The following POU2AF2 variants were observed in gnomAD, a reference collection of about 807,000 sequenced individuals.
The protein encoded by POU2AF2 is POU class 2 homeobox associating factor 2.
chr11:111,267,320 C>T, the POU2AF2 span, among the ~76,000 whole-genome samples: 4 of 152,166 alleles, frequency 2.6e-5, no homozygotes, highest in Non-Finnish European at 5.9e-5. Flanking sequence ...CCCCTGGCCT[C>T]GTAGGGCTCT....
chr11:111,282,207 G>A, the POU2AF2 span, among the ~76,000 whole-genome samples: 429 of 152,168 alleles, frequency 2.8e-3, 1 homozygote, highest in Non-Finnish European at 3.7e-3. Context: ...TTTTTTCTTC[G>A]TGGTTGTTTT....
the POU2AF2 span, among the ~76,000 whole-genome samples, chr11:111,257,153 C>T: frequency 1.3e-5 from 2 of 152,152 alleles, no homozygotes; most frequent in African/African-American, 4.8e-5. Context: ...AGCATGAGAG[C>T]AGATGAACAG....
At chr11:111,249,546 T>C in the POU2AF2 span, among the ~76,000 whole-genome samples, 2 of 152,198 alleles carry the variant, frequency 1.3e-5, no homozygotes, top group Non-Finnish European at 2.9e-5. Context: ...CAAACTCCCA[T>C]GAAACCCCAG....
At chr11:111,274,110 C>T in the POU2AF2 span, among the ~76,000 whole-genome samples, 2 of 152,070 alleles carry the variant, frequency 1.3e-5, no homozygotes, top group East Asian at 3.9e-4. Flanking sequence ...CAATTGAGTG[C>T]ACATGCTGAA....
the POU2AF2 span, chr11:111,284,255 G>T: frequency 6.2e-7 from 1 of 1,614,168 alleles, no homozygotes; most frequent in Admixed American, 1.7e-5. Flanking sequence ...CTTCCCCCAG[G>T]AGCCCTACGG....
the POU2AF2 span, among the ~76,000 whole-genome samples, chr11:111,284,759 G>A: frequency 6.6e-6 from 1 of 152,184 alleles, no homozygotes; most frequent in Non-Finnish European, 1.5e-5. Flanking sequence ...AGGCAGTAAT[G>A]AGATGGATCA....
At chr11:111,246,132 T>C in the POU2AF2 span, among the ~76,000 whole-genome samples, 1 of 152,234 alleles carries the variant, frequency 6.6e-6, no homozygotes, top group African/African-American at 2.4e-5. Context: ...TCAACTCAGT[T>C]GAACATTATT....
the POU2AF2 span, among the ~76,000 whole-genome samples, chr11:111,263,905 A>G: frequency 6.6e-5 from 10 of 152,350 alleles, no homozygotes; most frequent in South Asian, 2.1e-3. Flanking sequence ...CAAGGTTATC[A>G]TAAGGATTAC....
chr11:111,262,397 G>A, the POU2AF2 span, among the ~76,000 whole-genome samples: 1 of 152,218 alleles, frequency 6.6e-6, no homozygotes, highest in Non-Finnish European at 1.5e-5. Context: ...AAGACTGCTA[G>A]TTGGACGTTT....
the POU2AF2 span, among the ~76,000 whole-genome samples, chr11:111,285,495 G>T: frequency 6.6e-6 from 1 of 152,214 alleles, no homozygotes; most frequent in Non-Finnish European, 1.5e-5. Flanking sequence ...TTTCACTGCT[G>T]GTGTCAAAAG....
the POU2AF2 span, among the ~76,000 whole-genome samples, chr11:111,268,527 ATT>A: frequency 2.9e-4 from 26 of 89,638 alleles, no homozygotes; most frequent in African/African-American, 9.3e-4. Context: ...ATTTTATTTT[ATT>A]TTATTTTATT....
chr11:111,279,316 C>T, the POU2AF2 span, among the ~76,000 whole-genome samples: 1 of 152,138 alleles, frequency 6.6e-6, no homozygotes, highest in South Asian at 2.1e-4. Context: ...CATCAATCAC[C>T]CCTGTATTGG....
At chr11:111,268,608 AC>A in the POU2AF2 span, among the ~76,000 whole-genome samples, 24 of 151,148 alleles carry the variant, frequency 1.6e-4, no homozygotes, top group East Asian at 4.7e-3. Flanking sequence ...ATCTCGGCCC[AC>A]TGCAACCTCC....
the POU2AF2 span, among the ~76,000 whole-genome samples, chr11:111,246,598 T>C: frequency 1.3e-5 from 2 of 152,214 alleles, no homozygotes; most frequent in African/African-American, 2.4e-5. Context: ...TTCTTCAAAG[T>C]CTGATCTCAA....
chr11:111,280,496 T>C, the POU2AF2 span, among the ~76,000 whole-genome samples: 1 of 152,178 alleles, frequency 6.6e-6, no homozygotes, highest in African/African-American at 2.4e-5. Context: ...CTCAGTGGTG[T>C]GATGAAATTT....
chr11:111,266,000 T>C, the POU2AF2 span, among the ~76,000 whole-genome samples: 1 of 152,132 alleles, frequency 6.6e-6, no homozygotes, highest in Non-Finnish European at 1.5e-5. Flanking sequence ...TAAGATAATT[T>C]CAACTGCTCC....
At chr11:111,247,680 G>A in the POU2AF2 span, among the ~76,000 whole-genome samples, 1 of 151,478 alleles carries the variant, frequency 6.6e-6, no homozygotes, top group Non-Finnish European at 1.5e-5. Context: ...CCAGCTACTC[G>A]GGAGGCTGAG....
the POU2AF2 span, among the ~76,000 whole-genome samples, chr11:111,274,444 A>G: frequency 6.6e-6 from 1 of 152,054 alleles, no homozygotes; most frequent in Admixed American, 6.5e-5. Flanking sequence ...AATTCATCAA[A>G]TTGTACCCTT....
the POU2AF2 span, among the ~76,000 whole-genome samples, chr11:111,261,822 A>G: frequency 6.6e-6 from 1 of 152,242 alleles, no homozygotes; most frequent in South Asian, 2.1e-4. Flanking sequence ...AATATCCTAC[A>G]TAAACCTAAG....
Sources: gnomAD v4.1 joint callset for allele counts (sites outside exome capture counted in the v4.1 genomes callset) on GRCh38, gnomAD v4.1.1 for gene constraint, MANE v1.5 for transcripts, NCBI Gene and HGNC (gene_info 2026-07-23, HGNC 2026-07-21) for gene names.